The following RALYL variants were observed in gnomAD, a reference collection of about 807,000 sequenced individuals.
RALYL encodes the protein RNA-binding Raly-like protein.
In RALYL, 29 loss-of-function variants were observed where a neutral mutation model predicts 35.1. The ratio of observed to expected loss-of-function variants is 0.83; its 90% CI spans 0.61 to 1.13. The LOEUF is 1.13. Ranked by LOEUF, RALYL falls within the 50% of genes most tolerant of loss-of-function variation. RALYL has a pLI of 0.00. For synonymous variants in RALYL, 120 were observed against 127.6 expected (o/e 0.94, Z 0.40); for missense variants, 359 against 360.4 (o/e 1.00, Z 0.03).
intron 1 of RALYL, among the ~76,000 whole-genome samples, chr8:84,481,895 T>C (rs2054082137): frequency 6.6e-6 from 1 of 152,148 alleles, no homozygotes; most frequent in African/African-American, 2.4e-5. Context: ...TGCTGTGGTA[T>C]AGATATATAC....
At position 84,256,983 on chromosome 8, in the gene RALYL, T is replaced by G. The variant is rs529888659; in HGVS notation, c.-24+72559T>G. ...CTGGCCATGGCAGATATTTATTATA[T>G]TGGTTTAATATACTTATTAAACAAA... On this transcript the variant is annotated intron_variant, in intron 1 of 8. Coordinates refer to ENST00000521268, the MANE Select transcript of RALYL (RefSeq NM_173848.7). 7.6e-4 allele frequency among the ~76,000 whole-genome samples: 116 copies of G among 152,082 alleles called. 4 individuals carry two copies. In the South Asian group the frequency reaches 0.022, roughly 29 times the overall value.
At chr8:84,247,344 T>C (rs1829311913) in intron 1 of RALYL, among the ~76,000 whole-genome samples, 1 of 152,122 alleles carries the variant, frequency 6.6e-6, no homozygotes, top group African/African-American at 2.4e-5. Context: ...TAAACCCTTT[T>C]GGTTTGTTTT....
chr8:84,284,118 G>A (rs1273957957), intron 1 of RALYL, among the ~76,000 whole-genome samples: 3 of 152,108 alleles, frequency 2.0e-5, no homozygotes, highest in African/African-American at 7.2e-5. Flanking sequence ...TGACAAAGTA[G>A]TCTTTAGAGA....
intron 1 of RALYL, among the ~76,000 whole-genome samples, chr8:84,500,599 T>C (rs900348104): frequency 1.3e-5 from 2 of 152,280 alleles, no homozygotes; most frequent in South Asian, 4.1e-4. Flanking sequence ...TTAATATGAA[T>C]ATTTGTAGGA....
chr8:84,623,435 A>T (rs935366631), intron 2 of RALYL, among the ~76,000 whole-genome samples: 13 of 151,958 alleles, frequency 8.6e-5, no homozygotes, highest in African/African-American at 2.4e-4. Flanking sequence ...TAAATCTCCA[A>T]AGTAGTGGTC....
At chr8:84,278,816 T>G (rs1455715888) in intron 1 of RALYL, among the ~76,000 whole-genome samples, 1 of 152,192 alleles carries the variant, frequency 6.6e-6, no homozygotes, top group Non-Finnish European at 1.5e-5. Context: ...TCAAAGCCAT[T>G]CAACAAGTCT....
intron 1 of RALYL, among the ~76,000 whole-genome samples, chr8:84,421,950 C>T (rs1350587730): frequency 6.6e-6 from 1 of 151,954 alleles, no homozygotes; most frequent in Non-Finnish European, 1.5e-5. Flanking sequence ...TTCGGTTTGC[C>T]AGTATTTTAT....
intron 2 of RALYL, among the ~76,000 whole-genome samples, chr8:84,543,172 C>T (rs1259933070): frequency 6.6e-6 from 1 of 151,960 alleles, no homozygotes; most frequent in Non-Finnish European, 1.5e-5. Context: ...TTCCTGGTGA[C>T]TGTGAACTTC....
At chr8:84,658,162 A>G in intron 2 of RALYL, among the ~76,000 whole-genome samples, 1 of 152,192 alleles carries the variant, frequency 6.6e-6, no homozygotes, top group East Asian at 1.9e-4. Flanking sequence ...ATAGAGAGAC[A>G]TGAAACTCAA....
At chr8:84,296,623 A>ATTTT (rs397891420) in intron 1 of RALYL, among the ~76,000 whole-genome samples, 13 of 76,644 alleles carry the variant, frequency 1.7e-4, no homozygotes, top group African/African-American at 5.1e-4. Flanking sequence ...TCTCTCTTGC[A>ATTTT]TTTTTTTTTT....
At chr8:84,513,568 G>A (rs1442195059) in intron 1 of RALYL, among the ~76,000 whole-genome samples, 2 of 152,012 alleles carry the variant, frequency 1.3e-5, no homozygotes, top group African/African-American at 2.4e-5. Context: ...GGACTCCAAG[G>A]TTTAAATCCA....
chr8:84,727,458 A>G (rs1243322214), intron 2 of RALYL, among the ~76,000 whole-genome samples: 1 of 151,384 alleles, frequency 6.6e-6, no homozygotes, highest in African/African-American at 2.4e-5. Context: ...TTTTCTTTTC[A>G]TTTTTTTTAT....
At chr8:84,514,849 GTAT>G (rs35343271) in intron 1 of RALYL, among the ~76,000 whole-genome samples, 54,526 of 151,730 alleles carry the variant, frequency 0.36, 9,942 homozygotes, top group South Asian at 0.51. Flanking sequence ...GCAGGTGCTA[GTAT>G]TATTAAAGAT....
In RALYL at chr8:84,478,141, T is replaced by C. The variant is rs138844663; in HGVS notation, c.-23-51158T>C. Among the ~76,000 whole-genome samples, 938 of 152,264 alleles carry C rather than the reference T, an allele frequency of 6.2e-3. 12 individuals are homozygous for C. The highest frequency in any genetic ancestry group is 0.021 in the African/African-American group (865 of 41,566). On this transcript the variant is annotated intron_variant, in intron 1 of 8. Transcript: ENST00000521268. ...TGTGATACAGAATTTATATTAATAT[T>C]GTAGATTTTTTAAATGAGTTAAAAA...
chr8:84,561,685 T>C (rs545318342), intron 2 of RALYL, among the ~76,000 whole-genome samples: 3 of 151,868 alleles, frequency 2.0e-5, no homozygotes, highest in Non-Finnish European at 2.9e-5. Flanking sequence ...ACTGCAATAG[T>C]GAGACAGTCA....
chr8:84,397,856 C>G (rs2042501713), intron 1 of RALYL, among the ~76,000 whole-genome samples: 1 of 152,152 alleles, frequency 6.6e-6, no homozygotes, highest in Non-Finnish European at 1.5e-5. Context: ...ACCCATACTT[C>G]CTTTTATAAG....
At chr8:84,443,062 A>G (rs1035325034) in intron 1 of RALYL, among the ~76,000 whole-genome samples, 5 of 152,136 alleles carry the variant, frequency 3.3e-5, no homozygotes, top group African/African-American at 1.2e-4. Context: ...GCCACATTGT[A>G]AGGACTTAGT....
At chr8:84,372,161 T>C (rs192479193) in intron 1 of RALYL, among the ~76,000 whole-genome samples, 3 of 152,168 alleles carry the variant, frequency 2.0e-5, no homozygotes, top group African/African-American at 7.2e-5. Context: ...TCTTGGCTGC[T>C]AATGGAGAAA....
chr8:84,763,294 A>C (rs1359128586), intron 2 of RALYL, among the ~76,000 whole-genome samples: 2 of 152,186 alleles, frequency 1.3e-5, no homozygotes, highest in East Asian at 3.8e-4. Context: ...AAAACCTGAG[A>C]GTTCTCAAGG....
Sources: gnomAD v4.1 joint callset for allele counts (sites outside exome capture counted in the v4.1 genomes callset) on GRCh38, gnomAD v4.1.1 for gene constraint, MANE v1.5 for transcripts, NCBI Gene and HGNC (gene_info 2026-07-23, HGNC 2026-07-21) for gene names.